CDH12: variants seen among roughly 807,000 people sequenced by gnomAD.
CDH12 encodes cadherin-12.
A neutral mutation model predicts 74.1 loss-of-function variants in CDH12; 41 were observed. The observed-to-expected ratio is 0.55, with a 90% CI of 0.43 to 0.72. The LOEUF is 0.72. Ranked by LOEUF, CDH12 falls within the 30% of genes least tolerant of loss-of-function variation. The pLI is 0.00. For synonymous variants in CDH12, 399 were observed against 355.0 expected, an observed-to-expected ratio of 1.12 and a Z score of -1.39; for missense variants, 945 against 977.2, an observed-to-expected ratio of 0.97 and a Z score of 0.44.
At chr5:22,800,795 A>AT (rs200509290) in intron 1 of CDH12, among the ~76,000 whole-genome samples, 3,143 of 152,240 alleles carry the variant, frequency 0.021, 103 homozygotes, top group African/African-American at 0.071. Flanking sequence ...AAGTCATATA[A>AT]TATGTCAATT....
intron 5 of CDH12, among the ~76,000 whole-genome samples, chr5:22,020,035 G>A (rs1737862347): frequency 1.3e-5 from 2 of 152,122 alleles, no homozygotes; most frequent in South Asian, 4.1e-4. Flanking sequence ...AGCATAGGAG[G>A]CTAGGAGGAC....
At chr5:21,845,221 G>A (rs1450725887) in intron 7 of CDH12, among the ~76,000 whole-genome samples, 1 of 152,142 alleles carries the variant, frequency 6.6e-6, no homozygotes, top group Non-Finnish European at 1.5e-5. Context: ...TGTAAAGATA[G>A]TGTTTATTCA....
intron 3 of CDH12, among the ~76,000 whole-genome samples, chr5:22,319,009 T>A (rs2150435468): frequency 6.6e-6 from 1 of 152,312 alleles, no homozygotes; most frequent in Admixed American, 6.5e-5. Context: ...GGCAATCTTA[T>A]GTAATATGAC....
intron 1 of CDH12, among the ~76,000 whole-genome samples, chr5:22,632,884 AG>A (rs1158727349): frequency 6.6e-6 from 1 of 152,124 alleles, no homozygotes; most frequent in Non-Finnish European, 1.5e-5. Context: ...ATCATATTCA[AG>A]CTGCTGAAAG....
At chr5:22,287,371 A>AC (rs1737185988) in intron 3 of CDH12, among the ~76,000 whole-genome samples, 2 of 152,158 alleles carry the variant, frequency 1.3e-5, no homozygotes, top group Admixed American at 1.3e-4. Context: ...TATAAATGTC[A>AC]ATTTATATTA....
At chr5:22,350,711 T>C (rs1008328703) in intron 3 of CDH12, among the ~76,000 whole-genome samples, 3 of 152,198 alleles carry the variant, frequency 2.0e-5, no homozygotes, top group African/African-American at 7.2e-5. Context: ...TTCAAAGTTG[T>C]AGTAATTTGA....
At chr5:22,403,059 T>G (rs942924511) in intron 3 of CDH12, among the ~76,000 whole-genome samples, 1 of 152,086 alleles carries the variant, frequency 6.6e-6, no homozygotes, top group Non-Finnish European at 1.5e-5. Flanking sequence ...AAAGAAGAAA[T>G]AACTACTCAG....
chr5:22,767,296 GA>G (rs1746566911), intron 1 of CDH12, among the ~76,000 whole-genome samples: 1 of 151,954 alleles, frequency 6.6e-6, no homozygotes, highest in African/African-American at 2.4e-5. Flanking sequence ...CTTGGACTTT[GA>G]ATGTTCTTTA....
intron 1 of CDH12, among the ~76,000 whole-genome samples, chr5:22,671,780 G>C (rs1305773392): frequency 4.0e-5 from 6 of 151,838 alleles, no homozygotes; most frequent in Admixed American, 6.6e-5. Context: ...AAAGGGAACA[G>C]TGGAAAAGTG....
rs374502989 is a variant in CDH12, at chr5:21,763,446, T to A, written c.1515+1532A>T. On this transcript the variant is annotated intron_variant, in intron 12 of 14. Transcript: ENST00000382254. ...ACTAAGTGATGTAAAGCATGGAAATTGAAAAAGATACTAAAGATTAAATAA... is the reference window on the plus strand; with the variant it reads ...ACTAAGTGATGTAAAGCATGGAAATAGAAAAAGATACTAAAGATTAAATAA... Among the ~76,000 whole-genome samples, 157 of 152,304 alleles carry A rather than the reference T, an allele frequency of 1.0e-3. 2 individuals carry two copies. In the South Asian group the frequency reaches 0.032, roughly 31 times the overall value.
intron 3 of CDH12, among the ~76,000 whole-genome samples, chr5:22,281,029 T>C (rs1736857333): frequency 6.6e-6 from 1 of 152,124 alleles, no homozygotes; most frequent in Admixed American, 6.5e-5. Context: ...TCCACTATGA[T>C]CAAGTGGGCT....
chr5:22,198,760 A>G (rs574744907), intron 4 of CDH12, among the ~76,000 whole-genome samples: 10 of 152,204 alleles, frequency 6.6e-5, no homozygotes, highest in African/African-American at 2.2e-4. Flanking sequence ...ATCAATTCTG[A>G]ATTTTCCTTT....
intron 6 of CDH12, among the ~76,000 whole-genome samples, chr5:21,946,568 C>T (rs1368969840): frequency 1.3e-5 from 2 of 152,122 alleles, no homozygotes; most frequent in African/African-American, 4.8e-5. Context: ...CTTGACATTA[C>T]ACATATATTA....
chr5:22,450,276 T>G lies in CDH12; in HGVS notation c.-427-44925A>C, dbSNP rs1035112443. 4.6e-5 allele frequency among the ~76,000 whole-genome samples: 7 copies of G among 151,928 alleles called. No individual in the cohort carries two copies. In the East Asian group the frequency reaches 1.3e-3, roughly 29 times the overall value. The stretch of plus-strand genomic sequence containing the variant: ...ATATGTAGCATGTTCTTGCCATACA[T>G]CAAGTATTTGATTTATATTTTATAT... On this transcript the variant is annotated intron_variant, in intron 2 of 14. Transcript: ENST00000382254.
At chr5:21,829,979 A>G (rs187327572) in intron 8 of CDH12, among the ~76,000 whole-genome samples, 97 of 152,040 alleles carry the variant, frequency 6.4e-4, no homozygotes, top group African/African-American at 2.2e-3. Context: ...CAGGTGGATC[A>G]CCCGAGGTCA....
At chr5:22,574,073 C>CTTTTT (rs543910610) in intron 1 of CDH12, among the ~76,000 whole-genome samples, 209 of 87,426 alleles carry the variant, frequency 2.4e-3, no homozygotes, top group Middle Eastern at 0.013. Context: ...GTCTCTCTCT[C>CTTTTT]TTTTTTTTTT....
At chr5:22,316,624 T>A (rs984434228) in intron 3 of CDH12, among the ~76,000 whole-genome samples, 1 of 152,136 alleles carries the variant, frequency 6.6e-6, no homozygotes, top group African/African-American at 2.4e-5. Flanking sequence ...ATACCTCATG[T>A]TTTGAGATTC....
chr5:21,865,689 A>G (rs532350045), intron 6 of CDH12, among the ~76,000 whole-genome samples: 6 of 152,242 alleles, frequency 3.9e-5, no homozygotes, highest in Non-Finnish European at 5.9e-5. Context: ...TAGGGTGTTT[A>G]TTCTGGAGGC....
intron 9 of CDH12, among the ~76,000 whole-genome samples, chr5:21,804,031 A>G (rs1312905270): frequency 6.6e-6 from 1 of 152,158 alleles, no homozygotes; most frequent in Non-Finnish European, 1.5e-5. Flanking sequence ...AACTATATTT[A>G]TTAATTCCCT....
Sources: allele counts gnomAD v4.1 joint callset (sites outside exome capture counted in the v4.1 genomes callset), GRCh38; gene constraint gnomAD v4.1.1; transcripts MANE v1.5; gene names NCBI Gene and HGNC (gene_info 2026-07-23, HGNC 2026-07-21).